The following CCDC180 variants were observed in gnomAD, a reference collection of about 807,000 sequenced individuals.
CCDC180 encodes coiled-coil domain containing 180, also known as coiled-coil domain-containing protein 180.
Under a neutral mutation model 209.2 loss-of-function variants are expected in CCDC180, and 154 were observed. The observed-to-expected ratio is 0.74, with a 90% CI of 0.65 to 0.84. The LOEUF is 0.84. Ranked by LOEUF, CCDC180 falls within the 40% of genes least tolerant of loss-of-function variation. CCDC180 has a pLI of 0.00. For synonymous variants in CCDC180, 778 were observed against 749.1 expected (o/e 1.04, Z -0.63); for missense variants, 1,874 against 1,997.3 (o/e 0.94, Z 1.18).
chr9:97,314,329 G>A, intron 5 of CCDC180, 64 bp from the exon 6 acceptor site: 1 of 1,599,004 alleles, frequency 6.3e-7, no homozygotes. Flanking sequence ...CCCCATGACA[G>A]GGAAGGCTCC....
At chr9:97,318,729 C>T (rs926238256) in intron 10 of CCDC180, 147 bp downstream of exon 10, 13 of 1,057,362 alleles carry the variant, frequency 1.2e-5, no homozygotes, top group Non-Finnish European at 1.7e-5. Flanking sequence ...CCACCTGGAC[C>T]ATTTCAGCCC....
chr9:97,358,785 ACCCC>A (rs1826665259), intron 25 of CCDC180, among the ~76,000 whole-genome samples: 1 of 151,822 alleles, frequency 6.6e-6, no homozygotes, highest in Non-Finnish European at 1.5e-5. Context: ...AGAACCAGAC[ACCCC>A]AGCCTGAAGG....
upstream of CCDC180, chr9:97,307,542 C>T: frequency 1.6e-6 from 1 of 617,722 alleles, no homozygotes; most frequent in Non-Finnish European, 2.9e-6. Flanking sequence ...ATTAGCGTGA[C>T]CTGAATCAGG....
intron 18 of CCDC180, among the ~76,000 whole-genome samples, chr9:97,338,322 C>A (rs1158433075): frequency 1.1e-4 from 16 of 152,188 alleles, no homozygotes; most frequent in Non-Finnish European, 1.9e-4. Flanking sequence ...TCCCTCTACA[C>A]GCTGCTTTAA....
rs2118575074 is a variant in CCDC180, at chr9:97,317,135, C to A, written c.866C>A (p.Thr289Asn). ...AQLFVNLMESTLQQELDSRHR... is the reference protein window; with the variant it reads ...AQLFVNLMESNLQQELDSRHR... ...CTGTTTGTCAACCTGATGGAGTCCA[C>A]CCTGCAGCAGGAGCTGGACAGCCGC... The change falls in exon 9 of 37, where the codon ACC becomes AAC. Residue 289 changes from threonine (T) to asparagine (N), a missense_variant. Physicochemically the swap from Thr to Asn is moderately conservative, Grantham distance 65. Transcript: ENST00000529487. 1 of 1,613,418 alleles carries A rather than the reference C, an allele frequency of 6.2e-7. No individual in the cohort carries two copies. The highest frequency in any genetic ancestry group is 1.1e-5 in the South Asian group (1 of 91,076).
chr9:97,311,902 G>A (rs1832997139), intron 3 of CCDC180, among the ~76,000 whole-genome samples: 1 of 152,096 alleles, frequency 6.6e-6, no homozygotes, highest in Non-Finnish European at 1.5e-5. Context: ...TCTCACCTAG[G>A]GACCCACGGT....
intron 8 of CCDC180, 63 bp from the exon 9 acceptor site, chr9:97,317,002 A>G (rs762415866): frequency 1.0e-4 from 152 of 1,465,604 alleles, no homozygotes; most frequent in Non-Finnish European, 1.4e-4. Flanking sequence ...TCTCTAACTG[A>G]GCCTTGCCCT....
chr9:97,354,851 A>G (rs1055916570), intron 23 of CCDC180, 41 bp from the exon 24 acceptor site: 2 of 1,571,616 alleles, frequency 1.3e-6, no homozygotes, highest in African/African-American at 2.7e-5. Flanking sequence ...CAAAAGGTCC[A>G]AATTAAGCCC....
rs146570303 is a variant in CCDC180 at position 97,344,451 on chromosome 9, A to G, written c.2498+888A>G. ...CCAGAGGCCATCATCTGCCCTCTCC[A>G]TAGCAGATAGGACAAAGGCCAGCAA... On this transcript the variant is annotated intron_variant, in intron 19 of 36. Transcript: ENST00000529487. Among the ~76,000 whole-genome samples, 11 of 152,294 alleles carry G rather than the reference A, an allele frequency of 7.2e-5. No homozygotes were observed. The East Asian group carries it at 2.1e-3, about 29-fold the overall frequency.
Position 97,349,113 on chromosome 9 carries a change from G to A in CCDC180, c.2677G>A (p.Glu893Lys), listed in dbSNP as rs1266529892. ...CAGCTCTCTTAATCCTTTTTCAGCCGAGCTTTTGCTTCATCAAGAGCAGTT... is the reference window on the plus strand; with the variant it reads ...CAGCTCTCTTAATCCTTTTTCAGCCAAGCTTTTGCTTCATCAAGAGCAGTT... Reference protein sequence around the residue: ...EKDIHNVRAAELLLHQEQLDS... With the variant: ...EKDIHNVRAAKLLLHQEQLDS... Residue 893 changes from glutamate to lysine, a missense_variant and splice_region_variant, in exon 21 of 37, where the codon GAG (glutamate) becomes AAG (lysine). Transcript: ENST00000529487. 14 of 1,534,106 alleles carry A rather than the reference G, an allele frequency of 9.1e-6. No homozygotes were observed. Among genetic ancestry groups the A allele is most frequent in the Middle Eastern group, 3.4e-4 (2 of 5,930 alleles).
At position 97,314,680 on chromosome 9, in the gene CCDC180, G is replaced by A; in HGVS notation, c.651G>A (p.Lys217=). Residue 217 remains lysine (K), a synonymous_variant, in exon 7 of 37, where the codon AAG becomes AAA. Transcript: ENST00000529487. The part of the protein sequence containing the change: ...GRLLLRKQEI[K]ELDEALHSLE... Reference sequence around the variant, plus strand: ...TACTGCTCCGGAAGCAGGAGATTAAGGAGCTGGATGAGGCCCTGCACTCGC... The same window carrying A: ...TACTGCTCCGGAAGCAGGAGATTAAAGAGCTGGATGAGGCCCTGCACTCGC... 1 of 1,614,072 alleles carries A rather than the reference G, an allele frequency of 6.2e-7. No homozygotes were observed. The highest frequency in any genetic ancestry group is 8.5e-7 in the Non-Finnish European group (1 of 1,180,022).
intron 1 of CCDC180, 66 bp downstream of exon 1, chr9:97,307,872 A>C (rs1587773006): frequency 6.2e-7 from 1 of 1,605,444 alleles, no homozygotes; most frequent in Non-Finnish European, 8.5e-7. Flanking sequence ...CCTACCCCCC[A>C]GCAGAGAGTC....
At position 97,314,384 on chromosome 9, in the gene CCDC180, C is replaced by T; in HGVS notation, c.460-9C>T. On this transcript the variant is annotated splice_polypyrimidine_tract_variant and intron_variant, in intron 5 of 36. Transcript: ENST00000529487. ...ATGCCTTGGCCATCATACCCCTGGC[C>T]TGTTGCAGGAAATGGAACCTCTCAT... 6.2e-7 allele frequency: 1 copy of T among 1,614,160 alleles called. No homozygotes were observed. Among genetic ancestry groups the T allele is most frequent in the Non-Finnish European group, 8.5e-7 (1 of 1,180,014 alleles).
rs907731160 is a variant in CCDC180, at chr9:97,348,993, A to G, written c.2675-118A>G. ...GGGCAGGACAAGGGGCCTTGACCTG[A>G]ATTGTTCCTGTTCTGCAGCTGGCCT... On this transcript the variant is annotated intron_variant, in intron 20 of 36. Transcript: ENST00000529487. 1.7e-5 allele frequency: 17 copies of G among 974,100 alleles called. No homozygotes were observed. In the East Asian group the frequency reaches 3.7e-4, roughly 21 times the overall value. 60.3% of individuals were successfully genotyped at this position (974,100 alleles called of 1,614,324 possible).
intron 1 of CCDC180, 72 bp from the exon 2 acceptor site, chr9:97,307,911 C>G: frequency 6.3e-7 from 1 of 1,581,002 alleles, no homozygotes. Flanking sequence ...CCCTGGGGTG[C>G]CGCCTCGAGG....
intron 13 of CCDC180, 103 bp from the exon 14 acceptor site, chr9:97,324,916 A>T (rs1833478930): frequency 3.7e-6 from 4 of 1,092,358 alleles, no homozygotes; most frequent in Non-Finnish European, 1.3e-6. Context: ...TGTCTGGGCA[A>T]TACTGTTCAG....
intron 31 of CCDC180, among the ~76,000 whole-genome samples, chr9:97,368,892 C>T (rs1335072853): frequency 6.6e-6 from 1 of 152,154 alleles, no homozygotes; most frequent in Non-Finnish European, 1.5e-5. Context: ...GAGCAAGAGG[C>T]AGCAGGAGAC....
chr9:97,373,057 A>G (rs965152054), intron 34 of CCDC180: 7 of 152,220 alleles, frequency 4.6e-5, no homozygotes, highest in Non-Finnish European at 1.0e-4. Context: ...CACATGCATG[A>G]TATCAACATG....
At chr9:97,307,949 C>G (rs1832849986) in intron 1 of CCDC180, 34 bp from the exon 2 acceptor site, 2 of 1,581,960 alleles carry the variant, frequency 1.3e-6, no homozygotes, top group Non-Finnish European at 1.7e-6. Context: ...TGGACCTGAA[C>G]CTGAGTTTGG....
Sources: gnomAD v4.1 joint callset for allele counts (sites outside exome capture counted in the v4.1 genomes callset) on GRCh38, gnomAD v4.1.1 for gene constraint, MANE v1.5 for transcripts, NCBI Gene and HGNC (gene_info 2026-07-23, HGNC 2026-07-21) for gene names.